The following CACNA2D3 variants were observed in gnomAD, a reference collection of about 807,000 sequenced individuals.
CACNA2D3 encodes the protein calcium voltage-gated channel auxiliary subunit alpha2delta 3.
CACNA2D3 carries 60 observed loss-of-function variants against 160.6 expected under a neutral mutation model. The ratio of observed to expected loss-of-function variants is 0.37; its 90% CI spans 0.30 to 0.46. The LOEUF (loss-of-function observed/expected upper bound fraction) is 0.46. Ranked by LOEUF, CACNA2D3 falls within the 20% of genes least tolerant of loss-of-function variation. The pLI is 1.00. For missense variants in CACNA2D3, 1,205 were observed against 1,365.0 expected (o/e 0.88, Z 1.85); for synonymous variants, 558 against 492.9 (o/e 1.13, Z -1.75).
intron 11 of CACNA2D3, among the ~76,000 whole-genome samples, chr3:54,690,563 T>G (rs1700553046): frequency 6.6e-6 from 1 of 152,204 alleles, no homozygotes; most frequent in African/African-American, 2.4e-5. Context: ...ATATTTTCCA[T>G]GGAGTATGTT....
intron 17 of CACNA2D3, among the ~76,000 whole-genome samples, chr3:54,867,176 G>A (rs762641446): frequency 6.6e-6 from 1 of 152,190 alleles, no homozygotes; most frequent in South Asian, 2.1e-4. Context: ...GTGGAGCCGA[G>A]GGACCTGGGA....
chr3:54,860,018 A>G (rs2106798660), intron 17 of CACNA2D3, among the ~76,000 whole-genome samples: 1 of 151,964 alleles, frequency 6.6e-6, no homozygotes, highest in South Asian at 2.1e-4. Flanking sequence ...ACACACAAAC[A>G]CACATATTCC....
At chr3:54,523,109 T>C (rs1022558073) in intron 5 of CACNA2D3, among the ~76,000 whole-genome samples, 5 of 152,196 alleles carry the variant, frequency 3.3e-5, no homozygotes, top group African/African-American at 1.2e-4. Context: ...CAGGTAATTC[T>C]TTTCTTGTTC....
intron 27 of CACNA2D3, chr3:54,918,332 C>CT (rs533596688): frequency 0.021 from 4,680 of 228,046 alleles, 193 homozygotes; most frequent in Non-Finnish European, 0.028. Flanking sequence ...TTTTTTTTTT[C>CT]TTTTTTTTTT....
intron 2 of CACNA2D3, among the ~76,000 whole-genome samples, chr3:54,173,119 T>C (rs906000377): frequency 6.6e-6 from 1 of 152,170 alleles, no homozygotes; most frequent in Non-Finnish European, 1.5e-5. Context: ...TTCCTCCACC[T>C]TGGGAGAGGC....
At chr3:55,038,059 T>A (rs1205634019) in intron 35 of CACNA2D3, among the ~76,000 whole-genome samples, 1 of 152,140 alleles carries the variant, frequency 6.6e-6, no homozygotes, top group Non-Finnish European at 1.5e-5. Flanking sequence ...GGACTCTCTC[T>A]CTCTTTCACT....
At chr3:54,814,884 C>T (rs1165893256) in intron 13 of CACNA2D3, among the ~76,000 whole-genome samples, 2 of 152,192 alleles carry the variant, frequency 1.3e-5, no homozygotes, top group Non-Finnish European at 2.9e-5. Context: ...TGCAGGGCTT[C>T]ACTTTGGTAT....
intron 13 of CACNA2D3, among the ~76,000 whole-genome samples, chr3:54,813,448 T>G (rs1237963019): frequency 1.3e-5 from 2 of 152,140 alleles, no homozygotes; most frequent in African/African-American, 4.8e-5. Context: ...TAGACAGACA[T>G]CTATACCAGG....
chr3:54,246,744 C>G (rs546878473), intron 2 of CACNA2D3, among the ~76,000 whole-genome samples: 1 of 146,314 alleles, frequency 6.8e-6, no homozygotes, highest in South Asian at 2.1e-4. Context: ...AAAAAAAGAG[C>G]CAGAATATCT....
At chr3:54,734,263 C>G (rs1023224193) in intron 11 of CACNA2D3, among the ~76,000 whole-genome samples, 1 of 152,116 alleles carries the variant, frequency 6.6e-6, no homozygotes, top group African/African-American at 2.4e-5. Context: ...TCTTGTCATA[C>G]CCAATTCAGA....
chr3:54,754,021 T>G (rs1224481831), intron 12 of CACNA2D3, among the ~76,000 whole-genome samples: 1 of 152,272 alleles, frequency 6.6e-6, no homozygotes, highest in East Asian at 1.9e-4. Context: ...CCTTTAATTC[T>G]TATTAACGAA....
chr3:54,630,803 T>A (rs73068445), intron 10 of CACNA2D3, among the ~76,000 whole-genome samples: 26,064 of 151,974 alleles, frequency 0.17, 3,003 homozygotes, highest in Non-Finnish European at 0.25. Flanking sequence ...AGGAAAACCC[T>A]CCATACCCCT....
intron 13 of CACNA2D3, among the ~76,000 whole-genome samples, chr3:54,806,470 A>C (rs1366308549): frequency 6.6e-6 from 1 of 152,168 alleles, no homozygotes; most frequent in Non-Finnish European, 1.5e-5. Flanking sequence ...CAAAGAGAAT[A>C]AAATACCTAG....
In CACNA2D3 at chr3:54,345,847, A is replaced by ATTTT. The variant is rs1455040211; in HGVS notation, c.321+25289_321+25290insTTTT. ...CTCTTGATGCTCTTTTTTTTTTTTA[A>ATTTT]AAAAATTGCATGTGTAGAATCTGAA... On this transcript the variant is annotated intron_variant, in intron 3 of 37. Transcript: ENST00000474759. Among the ~76,000 whole-genome samples the ATTTT allele has an allele frequency of 9.1e-4, 133 of 145,584 alleles. 1 individual carries two copies. In the South Asian group the frequency reaches 0.014, roughly 15 times the overall value.
intron 13 of CACNA2D3, among the ~76,000 whole-genome samples, chr3:54,800,337 A>C (rs543030369): frequency 1.3e-5 from 2 of 152,220 alleles, no homozygotes; most frequent in Non-Finnish European, 2.9e-5. Context: ...GGACTTTGCC[A>C]AATTTCCATC....
intron 3 of CACNA2D3, among the ~76,000 whole-genome samples, chr3:54,359,600 A>G (rs531385863): frequency 2.8e-4 from 42 of 152,288 alleles, no homozygotes; most frequent in Non-Finnish European, 5.1e-4. Flanking sequence ...GTTCCAGGCG[A>G]CACTCAGTGG....
intron 27 of CACNA2D3, among the ~76,000 whole-genome samples, chr3:54,958,426 A>G (rs1168367743): frequency 6.6e-6 from 1 of 152,152 alleles, no homozygotes; most frequent in Non-Finnish European, 1.5e-5. Context: ...GGTCAAAGTC[A>G]GTTTATTCCC....
At chr3:54,655,995 C>G (rs2106872460) in intron 11 of CACNA2D3, among the ~76,000 whole-genome samples, 1 of 152,284 alleles carries the variant, frequency 6.6e-6, no homozygotes, top group African/African-American at 2.4e-5. Flanking sequence ...AACCATGTCC[C>G]CATCTTGCAG....
At chr3:54,687,143 T>TTTTTTTTTTTTTTTTTTTTTTG (rs1700476606) in intron 11 of CACNA2D3, among the ~76,000 whole-genome samples, 1 of 70,578 alleles carries the variant, frequency 1.4e-5, no homozygotes, top group African/African-American at 5.9e-5. Context: ...TTGTTTTTTT[T>TTTTTTTTTTTTTTTTTTTTTTG]TTTTTTTGTT....
Sources: allele counts gnomAD v4.1 joint callset (sites outside exome capture counted in the v4.1 genomes callset), GRCh38; gene constraint gnomAD v4.1.1; transcripts MANE v1.5; gene names NCBI Gene and HGNC (gene_info 2026-07-23, HGNC 2026-07-21).